The following LRRTM4 variants were observed in gnomAD, a reference collection of about 807,000 sequenced individuals.
LRRTM4 encodes the protein leucine-rich repeat transmembrane neuronal protein 4.
In LRRTM4, 25 loss-of-function variants were observed where a neutral mutation model predicts 47.6. The ratio of observed to expected loss-of-function variants is 0.53; its 90% confidence interval spans 0.38 to 0.73. The LOEUF (loss-of-function observed/expected upper bound fraction) is 0.73, where lower values mean the gene tolerates loss of function less well. LRRTM4 is among the 30% of genes least tolerant of loss of function. LRRTM4 has a pLI of 0.00. For synonymous variants in LRRTM4, 311 were observed against 269.5 expected, an observed-to-expected ratio of 1.15 and a Z score of -1.51; for missense variants, 638 against 713.4, an observed-to-expected ratio of 0.89 and a Z score of 1.20.
intron 3 of LRRTM4, among the ~76,000 whole-genome samples, chr2:77,216,850 A>C (rs1375228677): frequency 6.6e-6 from 1 of 152,020 alleles, no homozygotes; most frequent in Non-Finnish European, 1.5e-5. Context: ...AGGCAGGCAG[A>C]TCATGAGGTC....
rs564268960 is a variant in LRRTM4 at position 77,484,765 on chromosome 2, GT to G, written c.1551+33552del. On this transcript the variant is annotated intron_variant, in intron 3 of 3. Coordinates refer to ENST00000409884, the MANE Select transcript of LRRTM4 (RefSeq NM_001134745.3). ...CTTAAAAGTTTAAAAAAGTTTTCAG[GT>G]TTTTTTTCTTTTGTAATGGTAAATT... Among the ~76,000 whole-genome samples the G allele has an allele frequency of 6.9e-4, 105 of 151,824 alleles. 3 individuals carry two copies. In the South Asian group the frequency reaches 0.02, roughly 28 times the overall value.
At position 77,472,196 on chromosome 2, in the gene LRRTM4, G is replaced by T. The variant is rs1677215720; in HGVS notation, c.1551+46122C>A. On this transcript the variant is annotated intron_variant, in intron 3 of 3. Transcript: ENST00000409884. ...TAGTGCTGAAGTGTGGTCTAGTGTT[G>T]CTCAGTGAGAGAAGACTGCAATGTA... 2.6e-5 allele frequency among the ~76,000 whole-genome samples: 4 copies of T among 152,100 alleles called. No individual in the cohort carries two copies. In the South Asian group the frequency reaches 8.3e-4, roughly 32 times the overall value.
At chr2:76,789,102 A>C (rs961446524) in intron 3 of LRRTM4, among the ~76,000 whole-genome samples, 1 of 152,158 alleles carries the variant, frequency 6.6e-6, no homozygotes, top group Non-Finnish European at 1.5e-5. Flanking sequence ...CCTATACTTT[A>C]GAGATGCTAA....
intron 3 of LRRTM4, among the ~76,000 whole-genome samples, chr2:77,077,092 C>T (rs1680361775): frequency 1.3e-5 from 2 of 152,040 alleles, no homozygotes; most frequent in South Asian, 4.1e-4. Flanking sequence ...ATTTATTTTC[C>T]TGTGTATTAG....
intron 3 of LRRTM4, among the ~76,000 whole-genome samples, chr2:76,773,444 A>G (rs926269774): frequency 6.6e-6 from 1 of 152,220 alleles, no homozygotes; most frequent in Admixed American, 6.5e-5. Flanking sequence ...AAAACTCATA[A>G]CATTTCAGTG....
chr2:77,467,433 A>C (rs1922826), intron 3 of LRRTM4, among the ~76,000 whole-genome samples: 131,774 of 152,074 alleles, frequency 0.87, 57,194 homozygotes, highest in South Asian at 0.91. Flanking sequence ...ATGACTAAAG[A>C]CATCTAGTCA....
intron 3 of LRRTM4, among the ~76,000 whole-genome samples, chr2:77,099,287 A>G (rs2103906636): frequency 6.6e-6 from 1 of 152,074 alleles, no homozygotes; most frequent in East Asian, 1.9e-4. Flanking sequence ...TATAGCATTG[A>G]AAATGAATGA....
chr2:77,104,582 GA>G, intron 3 of LRRTM4, among the ~76,000 whole-genome samples: 1 of 152,206 alleles, frequency 6.6e-6, no homozygotes, highest in African/African-American at 2.4e-5. Context: ...ATCAGATGGT[GA>G]AAAAATACTA....
intron 3 of LRRTM4, among the ~76,000 whole-genome samples, chr2:77,033,774 G>C (rs908545820): frequency 6.6e-6 from 1 of 151,628 alleles, no homozygotes; most frequent in Non-Finnish European, 1.5e-5. Context: ...TATGTGGCTT[G>C]TTTGTCTCTT....
At chr2:77,415,769 G>T (rs945327435) in intron 3 of LRRTM4, among the ~76,000 whole-genome samples, 2 of 151,862 alleles carry the variant, frequency 1.3e-5, no homozygotes, top group Non-Finnish European at 2.9e-5. Context: ...CTATTTATTT[G>T]TCTGTACTCA....
chr2:77,411,139 C>T (rs1392828878), intron 3 of LRRTM4, among the ~76,000 whole-genome samples: 3 of 152,126 alleles, frequency 2.0e-5, no homozygotes, highest in Non-Finnish European at 2.9e-5. Flanking sequence ...GGAAAGGCTT[C>T]CTGGAGCACA....
At chr2:77,216,103 C>T (rs1457840466) in intron 3 of LRRTM4, among the ~76,000 whole-genome samples, 1 of 151,908 alleles carries the variant, frequency 6.6e-6, no homozygotes, top group Non-Finnish European at 1.5e-5. Context: ...CCCCACCCAG[C>T]AATACAACTA....
chr2:76,824,259 C>G (rs570753216), intron 3 of LRRTM4, among the ~76,000 whole-genome samples: 2 of 151,500 alleles, frequency 1.3e-5, no homozygotes, highest in African/African-American at 4.8e-5. Context: ...TATTCCTGAT[C>G]TATAAATGTG....
At chr2:77,229,144 T>C (rs1674895984) in intron 3 of LRRTM4, among the ~76,000 whole-genome samples, 1 of 152,114 alleles carries the variant, frequency 6.6e-6, no homozygotes, top group Admixed American at 6.6e-5. Flanking sequence ...TTCTTGTTTA[T>C]TTTCCTACCT....
chr2:77,372,696 C>T (rs1672694839), intron 3 of LRRTM4, among the ~76,000 whole-genome samples: 2 of 151,668 alleles, frequency 1.3e-5, no homozygotes, highest in Admixed American at 1.3e-4. Context: ...AATGGACCTT[C>T]ATGGAAAATA....
intron 3 of LRRTM4, among the ~76,000 whole-genome samples, chr2:76,881,831 T>C (rs573345787): frequency 1.3e-5 from 2 of 152,308 alleles, no homozygotes; most frequent in South Asian, 2.1e-4. Flanking sequence ...GTTTGATTTA[T>C]ATACTCCATC....
chr2:77,245,003 C>T (rs1675392465), intron 3 of LRRTM4, among the ~76,000 whole-genome samples: 1 of 152,140 alleles, frequency 6.6e-6, no homozygotes, highest in Non-Finnish European at 1.5e-5. Flanking sequence ...AGGACCCAGT[C>T]AAGCCAAGCC....
intron 3 of LRRTM4, among the ~76,000 whole-genome samples, chr2:76,922,981 A>G (rs1674478637): frequency 6.6e-6 from 1 of 152,132 alleles, no homozygotes; most frequent in Non-Finnish European, 1.5e-5. Flanking sequence ...CTATTAATTT[A>G]CTATAAATTA....
chr2:77,421,579 T>G (rs560371751), intron 3 of LRRTM4, among the ~76,000 whole-genome samples: 69 of 152,022 alleles, frequency 4.5e-4, no homozygotes, highest in Non-Finnish European at 7.5e-4. Context: ...TGTTGGCGGG[T>G]GCCTGTAGTC....
Sources: allele counts gnomAD v4.1 joint callset (sites outside exome capture counted in the v4.1 genomes callset), GRCh38; gene constraint gnomAD v4.1.1; transcripts MANE v1.5; gene names NCBI Gene and HGNC (gene_info 2026-07-23, HGNC 2026-07-21).